Variants in DESI2 observed in about 807,000 individuals in gnomAD.
DESI2 encodes the protein deubiquitinase DESI2.
A neutral mutation model predicts 24.1 loss-of-function variants in DESI2; 10 were observed. The observed-to-expected ratio is 0.41, with a 90% confidence interval of 0.26 to 0.70. The LOEUF (loss-of-function observed/expected upper bound fraction) is 0.70, where lower values mean the gene tolerates loss of function less well. Among genes scored for constraint, DESI2 ranks in the 30% least tolerant of loss-of-function variants. The pLI is 0.29. For synonymous variants in DESI2, 71 were observed against 87.7 expected, an observed-to-expected ratio of 0.81 and a Z score of 1.06; for missense variants, 122 against 234.9, an observed-to-expected ratio of 0.52 and a Z score of 3.14.
chr1:244,689,805 C>T lies in DESI2; in HGVS notation c.209+463C>T, dbSNP rs2148808306. ...GATTACAGGCGTGAGCCACCACGCCCAGCCCAGGAAACTCCTTTCTAATGA... is the reference window on the plus strand; with the variant it reads ...GATTACAGGCGTGAGCCACCACGCCTAGCCCAGGAAACTCCTTTCTAATGA... On this transcript the variant is annotated intron_variant, in intron 3 of 4. Transcript: ENST00000302550. This position sits in a 1 kb window ranked among gnomAD's most constrained non-coding sequence, Gnocchi z 4.0. Among the ~76,000 whole-genome samples the T allele has an allele frequency of 1.3e-5, 2 of 152,330 alleles. No individual in the cohort carries two copies. Among genetic ancestry groups the T allele is most frequent in the Admixed American group, 1.3e-4 (2 of 15,298 alleles).
intron 4 of DESI2, among the ~76,000 whole-genome samples, chr1:244,704,600 T>C (rs1177819733): frequency 1.3e-5 from 2 of 152,152 alleles, no homozygotes; most frequent in Non-Finnish European, 2.9e-5. Context: ...TTCCATGCCT[T>C]GTCTGACTCT....
chr1:244,669,777 G>A (rs1007416193), intron 1 of DESI2, among the ~76,000 whole-genome samples: 1 of 152,144 alleles, frequency 6.6e-6, no homozygotes, highest in Non-Finnish European at 1.5e-5. Flanking sequence ...GCCACCTTCT[G>A]TGTAATTACT....
In DESI2 at chr1:244,679,862, C is replaced by G. The variant is rs1379584925; in HGVS notation, c.43-6735C>G. On this transcript the variant is annotated intron_variant, in intron 1 of 4. Transcript: ENST00000302550. The stretch of plus-strand genomic sequence containing the variant: ...ATCCTGGGTGACAGAGTGAGAGACT[C>G]TATCTCAAAAAAAAAAAAAAAAAAA... 5.8e-5 allele frequency among the ~76,000 whole-genome samples: 4 copies of G among 69,546 alleles called. No individual in the cohort carries two copies. In the East Asian group the frequency reaches 1.6e-3, roughly 27 times the overall value. 45.6% of individuals were successfully genotyped at this position (69,546 alleles called of 152,430 possible).
intron 4 of DESI2, among the ~76,000 whole-genome samples, chr1:244,702,094 T>C (rs954131288): frequency 6.6e-5 from 10 of 152,212 alleles, no homozygotes; most frequent in African/African-American, 1.9e-4. Flanking sequence ...TGACCCAGTT[T>C]ACACACACAC....
chr1:244,694,572 G>T, intron 4 of DESI2: 1 of 795,654 alleles, frequency 1.3e-6, no homozygotes. Flanking sequence ...TTTAGCCTTG[G>T]CACTGCCGTT....
chr1:244,700,363 G>A (rs1055772024), intron 4 of DESI2, among the ~76,000 whole-genome samples: 2 of 151,998 alleles, frequency 1.3e-5, no homozygotes, highest in African/African-American at 2.4e-5. Flanking sequence ...AAGTATTTTC[G>A]TTTCGGATCA....
chr1:244,702,305 G>A (rs925117510), intron 4 of DESI2, among the ~76,000 whole-genome samples: 1 of 152,202 alleles, frequency 6.6e-6, no homozygotes, highest in African/African-American at 2.4e-5. Context: ...CCTGAGGTCA[G>A]GAGTTTGAGA....
In DESI2 at chr1:244,653,327, A is replaced by G. The variant is rs1419565175; in HGVS notation, c.14A>G (p.Gln5Arg). 6 of 1,529,310 alleles carry G rather than the reference A, an allele frequency of 3.9e-6. No individual in the cohort carries two copies. Among genetic ancestry groups the G allele is most frequent in the Admixed American group, 2.4e-5 (1 of 41,854 alleles). The allele number at this position is 1,529,310 out of a possible 1,614,324, so 94.7% of individuals were successfully genotyped here. The change falls in exon 1 of 5, where the codon CAG (glutamine) becomes CGG (arginine). Residue 5 changes from glutamine (Q) to arginine (R), a missense_variant. Around this residue, in one of 6 missense-constraint regions of DESI2, gnomAD observed 15 missense variants for 18.5 expected, o/e 0.81. Coordinates refer to ENST00000302550, the MANE Select transcript of DESI2 (RefSeq NM_016076.5). MGANQLVVLNVYDMY... is the reference protein window; with the variant it reads MGANRLVVLNVYDMY... ...GCGGGGAGGAGGATGGGGGCTAACC[A>G]GTTAGTGGTGCTCAACGTGTACGAC...
intron 1 of DESI2, among the ~76,000 whole-genome samples, chr1:244,657,881 G>T (rs1429463138): frequency 1.3e-5 from 2 of 152,176 alleles, no homozygotes; most frequent in African/African-American, 4.8e-5. Context: ...CTCCTTCCCC[G>T]AAGAGATTAT....
chr1:244,689,738 G>A lies in DESI2; in HGVS notation c.209+396G>A, dbSNP rs1405646770. Among the ~76,000 whole-genome samples the A allele has an allele frequency of 6.6e-6, 1 of 152,062 alleles. No individual in the cohort carries two copies. Among genetic ancestry groups the A allele is most frequent in the African/African-American group, 2.4e-5 (1 of 41,384 alleles). On this transcript the variant is annotated intron_variant, in intron 3 of 4. Coordinates refer to ENST00000302550, the MANE Select transcript of DESI2 (RefSeq NM_016076.5). The surrounding 1 kb of genome is among the most constrained non-coding windows in gnomAD (Gnocchi z 4.0). ...TTGGCCAGGCTAGTCTTGAACTCCT[G>A]ACCTCAGGTGATCCACCTGCCTCGG...
chr1:244,700,934 T>A (rs1442181926), intron 4 of DESI2, among the ~76,000 whole-genome samples: 1 of 152,216 alleles, frequency 6.6e-6, no homozygotes, highest in African/African-American at 2.4e-5. Flanking sequence ...ATTCATGTGT[T>A]TTACAGTTAA....
chr1:244,693,654 C>T (rs1370255901), intron 4 of DESI2, among the ~76,000 whole-genome samples: 2 of 151,690 alleles, frequency 1.3e-5, no homozygotes, highest in East Asian at 1.9e-4. Context: ...TGGTCTCGAA[C>T]TCCTGACCTC....
At position 244,699,974 on chromosome 1, in the gene DESI2, C is replaced by T. The variant is rs78247560; in HGVS notation, c.352-5582C>T. On this transcript the variant is annotated intron_variant, in intron 4 of 4. Transcript: ENST00000302550. ...CACACGGAACACCTCCAGATGTCAT[C>T]CACAGTCGTGAGGCTGATAACCTGA... Among the ~76,000 whole-genome samples the T allele has an allele frequency of 8.0e-4, 122 of 152,350 alleles. 2 individuals carry two copies. The East Asian group carries it at 0.022, about 27-fold the overall frequency.
rs976421898 is a variant in DESI2, at chr1:244,707,221, A to G, written c.*1432A>G. 3 of 152,544 alleles carry G rather than the reference A, an allele frequency of 2.0e-5. No individual in the cohort carries two copies. The highest frequency in any genetic ancestry group is 2.9e-5 in the Non-Finnish European group (2 of 68,020). 9.4% of individuals were successfully genotyped at this position (152,544 alleles called of 1,614,324 possible). A position where few individuals can be genotyped will look rare whatever the true frequency, so the allele number is the denominator to read the frequency against. ...AAACTTTTAGATTGGATTGTTTGCTATTGCTCTGTGTGAGGATACATAATC... is the reference window on the plus strand; with the variant it reads ...AAACTTTTAGATTGGATTGTTTGCTGTTGCTCTGTGTGAGGATACATAATC... On this transcript the variant is annotated 3_prime_UTR_variant, in exon 5 of 5. Transcript: ENST00000302550.
At chr1:244,668,423 T>A (rs1676124484) in intron 1 of DESI2, among the ~76,000 whole-genome samples, 1 of 152,200 alleles carries the variant, frequency 6.6e-6, no homozygotes, top group African/African-American at 2.4e-5. Context: ...GATATGGGGC[T>A]TTTTAAAAAC....
At chr1:244,684,332 T>C (rs2148802730) in intron 1 of DESI2, among the ~76,000 whole-genome samples, 1 of 152,338 alleles carries the variant, frequency 6.6e-6, no homozygotes, top group African/African-American at 2.4e-5. Context: ...ACTGAAAGTA[T>C]TGCATTTTAG....
At chr1:244,699,575 T>C (rs530044951) in intron 4 of DESI2, among the ~76,000 whole-genome samples, 713 of 60,828 alleles carry the variant, frequency 0.012, 4 homozygotes, top group Middle Eastern at 0.05. Context: ...AGTGAGACTG[T>C]CTCAAAAAAA....
chr1:244,696,566 AC>A (rs1332276419), intron 4 of DESI2, among the ~76,000 whole-genome samples: 5 of 152,116 alleles, frequency 3.3e-5, no homozygotes, highest in Non-Finnish European at 7.4e-5. Context: ...GTTGCAGTGA[AC>A]CAAGATGGTA....
intron 4 of DESI2, among the ~76,000 whole-genome samples, chr1:244,700,441 TG>T (rs1677402723): frequency 6.6e-6 from 1 of 152,202 alleles, no homozygotes; most frequent in South Asian, 2.1e-4. Flanking sequence ...ATAAGTCTTT[TG>T]ATTTGTCCCT....
Sources: gnomAD v4.1 joint callset for allele counts (sites outside exome capture counted in the v4.1 genomes callset) on GRCh38, gnomAD v4.1.1 for gene constraint, gnomAD v4.1.1 regional missense constraint, Gnocchi (gnomAD v3.1) non-coding constraint, MANE v1.5 for transcripts, NCBI Gene and HGNC (gene_info 2026-07-23, HGNC 2026-07-21) for gene names.